FAM171A1: variants seen among roughly 807,000 people sequenced by gnomAD.
FAM171A1 encodes protein FAM171A1.
Under a neutral mutation model 74.9 loss-of-function variants are expected in FAM171A1, and 23 were observed. The observed-to-expected ratio is 0.31, with a 90% CI of 0.22 to 0.44. The LOEUF (loss-of-function observed/expected upper bound fraction) is 0.44. FAM171A1 is among the 20% of genes least tolerant of loss of function. The probability of loss-of-function intolerance (pLI) is 1.00; values close to 1 mark genes in which losing one functional copy is unlikely to be tolerated. For missense variants in FAM171A1, 1,162 were observed against 1,159.2 expected (o/e 1.00, Z -0.03); for synonymous variants, 527 against 505.7 (o/e 1.04, Z -0.57).
At chr10:15,234,063 T>A (rs79649936) in intron 5 of FAM171A1, among the ~76,000 whole-genome samples, 35 of 152,186 alleles carry the variant, frequency 2.3e-4, no homozygotes, top group African/African-American at 7.9e-4. Flanking sequence ...GAGACATTAG[T>A]AATTTGCCCA....
intron 1 of FAM171A1, among the ~76,000 whole-genome samples, chr10:15,360,406 C>T (rs1479797736): frequency 6.6e-6 from 1 of 152,198 alleles, no homozygotes; most frequent in African/African-American, 2.4e-5. Context: ...ATGAAAATAT[C>T]AGAAGTTCCT....
chr10:15,288,381 T>C (rs1835063477), intron 1 of FAM171A1, among the ~76,000 whole-genome samples: 1 of 152,170 alleles, frequency 6.6e-6, no homozygotes, highest in East Asian at 1.9e-4. Context: ...TAGTGGTGAT[T>C]TGTGAGATTT....
intron 1 of FAM171A1, among the ~76,000 whole-genome samples, chr10:15,354,083 G>A (rs35793649): frequency 0.095 from 14,488 of 152,250 alleles, 772 homozygotes; most frequent in Middle Eastern, 0.16. Flanking sequence ...CCAGGTGTGT[G>A]CCTGCTGAGC....
chr10:15,275,953 G>A lies in FAM171A1; in HGVS notation c.326-6C>T. ...AAGGCTCAGAGAGGAAAATACTGCA[G>A]GAAAAAGAAATGGATAGAAGGGGAT... On this transcript the variant is annotated splice_polypyrimidine_tract_variant and splice_region_variant and intron_variant, in intron 2 of 7. Transcript: ENST00000378116. 6.2e-7 allele frequency: 1 copy of A among 1,600,012 alleles called. No homozygotes were observed. The highest frequency in any genetic ancestry group is 1.7e-5 in the Admixed American group (1 of 59,072).
chr10:15,273,472 A>T (rs541670323), intron 3 of FAM171A1, among the ~76,000 whole-genome samples: 13 of 152,346 alleles, frequency 8.5e-5, no homozygotes, highest in African/African-American at 1.7e-4. Flanking sequence ...TACAAAGAGG[A>T]GCTGGTACCA....
chr10:15,331,915 G>C (rs1291801158), intron 1 of FAM171A1, among the ~76,000 whole-genome samples: 1 of 96,400 alleles, frequency 1.0e-5, no homozygotes, highest in Non-Finnish European at 2.4e-5. Flanking sequence ...TAAGATTCAA[G>C]ACCTGAGGTA....
At chr10:15,312,674 T>TG (rs1835376445) in intron 1 of FAM171A1, among the ~76,000 whole-genome samples, 7 of 11,712 alleles carry the variant, frequency 6.0e-4, no homozygotes, top group Admixed American at 1.6e-3. Context: ...GCACTGTGTG[T>TG]TTTTTTTTTT....
At chr10:15,347,210 C>G (rs12783193) in intron 1 of FAM171A1, among the ~76,000 whole-genome samples, 10,975 of 152,044 alleles carry the variant, frequency 0.072, 505 homozygotes, top group Middle Eastern at 0.11. Context: ...AAAGATCACA[C>G]GAACAGAACT....
At chr10:15,231,768 A>T (rs1464627424) in intron 5 of FAM171A1, among the ~76,000 whole-genome samples, 1 of 152,156 alleles carries the variant, frequency 6.6e-6, no homozygotes, top group African/African-American at 2.4e-5. Context: ...GTCAGACTAT[A>T]GGCCAGGAGT....
At chr10:15,222,804 C>T (rs10906864) in intron 5 of FAM171A1, among the ~76,000 whole-genome samples, 1 of 152,244 alleles carries the variant, frequency 6.6e-6, no homozygotes, top group East Asian at 1.9e-4. Flanking sequence ...ACAGTGGGCA[C>T]GTGGGACAAG....
rs1388674180 is a variant in FAM171A1, at chr10:15,371,079, G to C, written c.-27C>G. The stretch of plus-strand genomic sequence containing the variant: ...TCCGCCGCGGGGCCGGCGGCGGCTC[G>C]GGCTCGCCGAGAGCGGGCCGGGCGG... On this transcript the variant is annotated 5_prime_UTR_variant, in exon 1 of 8. Transcript: ENST00000378116. 144 of 1,004,670 alleles carry C rather than the reference G, an allele frequency of 1.4e-4. No homozygotes were observed. Among genetic ancestry groups the C allele is most frequent in the Non-Finnish European group, 1.7e-4 (143 of 838,718 alleles). The allele number at this position is 1,004,670 out of a possible 1,614,324, so 62.2% of individuals were successfully genotyped here.
At chr10:15,308,582 G>C (rs1835323964) in intron 1 of FAM171A1, among the ~76,000 whole-genome samples, 1 of 151,988 alleles carries the variant, frequency 6.6e-6, no homozygotes, top group African/African-American at 2.4e-5. Flanking sequence ...TCCTGCCTCA[G>C]CCTCCCGAGT....
upstream of FAM171A1, among the ~76,000 whole-genome samples, chr10:15,373,296 A>G (rs1022612603): frequency 6.6e-6 from 1 of 152,184 alleles, no homozygotes; most frequent in Non-Finnish European, 1.5e-5. Context: ...TAAGCCTAAT[A>G]TATGGCATCA....
intron 5 of FAM171A1, chr10:15,241,512 G>T (rs567820466): frequency 2.0e-5 from 3 of 152,212 alleles, no homozygotes; most frequent in Non-Finnish European, 4.4e-5. Context: ...GCCTGGCAAG[G>T]TTCCAGTGAA....
intron 3 of FAM171A1, among the ~76,000 whole-genome samples, chr10:15,258,664 A>G (rs941635238): frequency 7.2e-5 from 11 of 151,904 alleles, no homozygotes; most frequent in Non-Finnish European, 1.5e-5. Context: ...TGATCCGCAA[A>G]CCCCATGACC....
rs138304345 is a variant in FAM171A1, at chr10:15,305,534, G to A, written c.98-21429C>T. 4.7e-3 allele frequency among the ~76,000 whole-genome samples: 719 copies of A among 152,098 alleles called. 8 individuals are homozygous for A. The highest frequency in any genetic ancestry group is 0.016 in the African/African-American group (660 of 41,502). On this transcript the variant is annotated intron_variant, in intron 1 of 7. Coordinates refer to ENST00000378116, the MANE Select transcript of FAM171A1 (RefSeq NM_001010924.2). ...AATTAAAAGCTTAGCCTGGTGTGGT[G>A]TGCATGCCTGTAGTCCCAGTTACTC... is the stretch of plus-strand genomic sequence containing the variant.
intron 1 of FAM171A1, among the ~76,000 whole-genome samples, chr10:15,317,185 T>C (rs1033757011): frequency 1.3e-5 from 2 of 150,630 alleles, no homozygotes; most frequent in Non-Finnish European, 1.5e-5. Flanking sequence ...ATGTTGGGAG[T>C]GGGATGTGCA....
At chr10:15,223,790 TG>T in intron 5 of FAM171A1, among the ~76,000 whole-genome samples, 1 of 152,038 alleles carries the variant, frequency 6.6e-6, no homozygotes, top group Non-Finnish European at 1.5e-5. Flanking sequence ...TTCCAGCAAC[TG>T]GGGTGGCTGA....
intron 5 of FAM171A1, among the ~76,000 whole-genome samples, chr10:15,226,832 G>T (rs1232931719): frequency 6.6e-6 from 1 of 151,366 alleles, no homozygotes; most frequent in Non-Finnish European, 1.5e-5. Flanking sequence ...CTTATAACGT[G>T]TTATCAGTGT....
Sources: allele counts gnomAD v4.1 joint callset (sites outside exome capture counted in the v4.1 genomes callset), GRCh38; gene constraint gnomAD v4.1.1; transcripts MANE v1.5; gene names NCBI Gene and HGNC (gene_info 2026-07-23, HGNC 2026-07-21).